TMEFF2: variants seen among roughly 807,000 people sequenced by gnomAD.
TMEFF2 encodes tomoregulin-2.
In TMEFF2, 28 loss-of-function variants were observed where a neutral mutation model predicts 53.8. That is an observed-to-expected ratio of 0.52 (90% CI 0.39 to 0.71). TMEFF2 has a LOEUF of 0.71. TMEFF2 is among the 30% of genes least tolerant of loss of function. The pLI, the probability that TMEFF2 is intolerant of heterozygous loss-of-function variation, is 0.00. For missense variants in TMEFF2, 353 were observed against 455.2 expected (o/e 0.78, Z 2.04); for synonymous variants, 162 against 166.3 (o/e 0.97, Z 0.20).
At chr2:192,096,181 C>A (rs1192450046) in intron 4 of TMEFF2, among the ~76,000 whole-genome samples, 1 of 152,144 alleles carries the variant, frequency 6.6e-6, no homozygotes, top group Non-Finnish European at 1.5e-5. Flanking sequence ...CTTGGTCCCC[C>A]ATTAATGTTA....
intron 7 of TMEFF2, among the ~76,000 whole-genome samples, chr2:191,967,462 T>G (rs1692502633): frequency 6.6e-6 from 1 of 152,152 alleles, no homozygotes; most frequent in African/African-American, 2.4e-5. Flanking sequence ...CAATGCTTCT[T>G]GTTCTAGTGC....
intron 4 of TMEFF2, among the ~76,000 whole-genome samples, chr2:192,091,570 A>C (rs1414558698): frequency 6.6e-6 from 1 of 152,198 alleles, no homozygotes; most frequent in Non-Finnish European, 1.5e-5. Context: ...TTTAATAGCT[A>C]AACACAAAGA....
chr2:192,073,220 G>A (rs1688331567), intron 4 of TMEFF2, among the ~76,000 whole-genome samples: 1 of 151,900 alleles, frequency 6.6e-6, no homozygotes. Context: ...TAATCATAGT[G>A]TGTATTTTAT....
chr2:192,165,637 A>G (rs2106016826), intron 4 of TMEFF2, among the ~76,000 whole-genome samples: 1 of 152,224 alleles, frequency 6.6e-6, no homozygotes, highest in East Asian at 1.9e-4. Flanking sequence ...CCTAAAAGTA[A>G]TATACTATTT....
chr2:192,046,911 GTTTTTT>G (rs35550976), intron 5 of TMEFF2, among the ~76,000 whole-genome samples: 1 of 146,238 alleles, frequency 6.8e-6, no homozygotes, highest in East Asian at 2.0e-4. Flanking sequence ...TGTGTTACCT[GTTTTTT>G]TTTTTTTAAT....
At chr2:191,956,415 T>TAC in intron 7 of TMEFF2, 37 bp from the exon 8 acceptor site, 1 of 1,599,052 alleles carries the variant, frequency 6.3e-7, no homozygotes. Flanking sequence ...CCCCTGTAAA[T>TAC]ACTTAGCCTG....
In TMEFF2 at chr2:192,069,943, G is replaced by GT. The variant is rs879761247; in HGVS notation, c.440-12169dup. Reference sequence around the variant, plus strand: ...TAATTGGAAATTAATCAATTTCCCTGTTTTTTCTAGATTTAGAAAAATGTG... The same window carrying GT: ...TAATTGGAAATTAATCAATTTCCCTGTTTTTTTCTAGATTTAGAAAAATGTG... On this transcript the variant is annotated intron_variant, in intron 4 of 9. Coordinates refer to ENST00000272771, the MANE Select transcript of TMEFF2 (RefSeq NM_016192.4). Among the ~76,000 whole-genome samples the GT allele has an allele frequency of 9.1e-5, 9 of 98,496 alleles. No individual in the cohort carries two copies. In the East Asian group the frequency reaches 9.7e-4, roughly 11 times the overall value. 64.6% of individuals were successfully genotyped at this position (98,496 alleles called of 152,430 possible). A position where few individuals can be genotyped will look rare whatever the true frequency, so the allele number is the denominator to read the frequency against.
chr2:192,028,826 A>C (rs1366337789), intron 5 of TMEFF2: 1 of 152,182 alleles, frequency 6.6e-6, no homozygotes, highest in Admixed American at 6.5e-5. Context: ...TTTGCATCTA[A>C]ACCTGGCATA....
chr2:192,044,387 T>C (rs1574320585), intron 5 of TMEFF2: 1 of 152,198 alleles, frequency 6.6e-6, no homozygotes, highest in East Asian at 1.9e-4. Context: ...GCATGTGAGA[T>C]ATTACTTCTA....
At chr2:192,082,047 G>A (rs137972370) in intron 4 of TMEFF2, among the ~76,000 whole-genome samples, 2,937 of 152,042 alleles carry the variant, frequency 0.019, 53 homozygotes, top group Non-Finnish European at 0.025. Context: ...TGATCCACCC[G>A]TCTTGGCCTC....
At chr2:192,124,877 C>T (rs747371237) in intron 4 of TMEFF2, among the ~76,000 whole-genome samples, 1 of 152,138 alleles carries the variant, frequency 6.6e-6, no homozygotes, top group Non-Finnish European at 1.5e-5. Flanking sequence ...CTACCATGTC[C>T]CTTGGAAAGA....
rs1161473033 is a variant in TMEFF2 at position 192,057,576 on chromosome 2, T to C, written c.536+103A>G. The C allele has an allele frequency of 3.8e-6, 4 of 1,056,116 alleles. No homozygotes were observed. The African/African-American group carries it at 4.8e-5, about 13-fold the overall frequency. The allele number at this position is 1,056,116 out of a possible 1,614,324, so 65.4% of individuals were successfully genotyped here. Reference sequence around the variant, plus strand: ...TTCACTTGGGAACTGAATAAGAAAATAAAAATGCAGACAATGTCTTCTGTT... The same window carrying C: ...TTCACTTGGGAACTGAATAAGAAAACAAAAATGCAGACAATGTCTTCTGTT... On this transcript the variant is annotated intron_variant, in intron 5 of 9. Coordinates refer to ENST00000272771, the MANE Select transcript of TMEFF2 (RefSeq NM_016192.4).
At position 191,968,758 on chromosome 2, in the gene TMEFF2, C is replaced by A. The variant is rs138405079; in HGVS notation, c.746-12380G>T. On this transcript the variant is annotated intron_variant, in intron 7 of 9. Transcript: ENST00000272771. The stretch of plus-strand genomic sequence containing the variant: ...ACAAGCATTATGTAGTGCTTCTAGA[C>A]TCATTTCTCAATGGAACCTCCCTGC... Among the ~76,000 whole-genome samples the A allele has an allele frequency of 5.9e-5, 9 of 152,248 alleles. 1 individual carries two copies. The East Asian group carries it at 1.7e-3, about 29-fold the overall frequency.
At chr2:192,035,009 T>C (rs1414978536) in intron 5 of TMEFF2, 2 of 152,218 alleles carry the variant, frequency 1.3e-5, no homozygotes, top group Non-Finnish European at 2.9e-5. Flanking sequence ...TTTTTAATGA[T>C]CCTTAGTTTC....
rs1367797846 is a variant in TMEFF2, at chr2:191,964,400, C to T, written c.746-8022G>A. Among the ~76,000 whole-genome samples the T allele has an allele frequency of 5.4e-3, 355 of 66,036 alleles. 4 individuals carry two copies. Among genetic ancestry groups the T allele is most frequent in the African/African-American group, 0.023 (330 of 14,258 alleles). 43.3% of individuals were successfully genotyped at this position (66,036 alleles called of 152,430 possible). A position where few individuals can be genotyped will look rare whatever the true frequency, so the allele number is the denominator to read the frequency against. On this transcript the variant is annotated intron_variant, in intron 7 of 9. Coordinates refer to ENST00000272771, the MANE Select transcript of TMEFF2 (RefSeq NM_016192.4). Reference sequence around the variant, plus strand: ...TTTCTTTCTTTCTTTCTTTCTTTCTCTTTCTTTCTTTCTTTCTTTCTTTCT... The same window carrying T: ...TTTCTTTCTTTCTTTCTTTCTTTCTTTTTCTTTCTTTCTTTCTTTCTTTCT...
At chr2:192,135,759 A>C (rs1277652552) in intron 4 of TMEFF2, among the ~76,000 whole-genome samples, 1 of 152,136 alleles carries the variant, frequency 6.6e-6, no homozygotes, top group African/African-American at 2.4e-5. Flanking sequence ...AAGTAACTGA[A>C]GAATCACAAA....
chr2:192,033,482 T>C (rs970543981), intron 5 of TMEFF2, among the ~76,000 whole-genome samples: 1 of 151,484 alleles, frequency 6.6e-6, no homozygotes, highest in African/African-American at 2.4e-5. Context: ...AGCTCAGCTC[T>C]TAATTAGACT....
At chr2:191,998,342 T>C (rs1686274421) in intron 6 of TMEFF2, 21 bp from the exon 7 acceptor site, 2 of 1,524,436 alleles carry the variant, frequency 1.3e-6, no homozygotes, top group African/African-American at 2.8e-5. Flanking sequence ...AAATTAACAA[T>C]AAAAATTGAT....
chr2:192,020,562 T>C (rs935737394), intron 5 of TMEFF2, among the ~76,000 whole-genome samples: 1 of 152,120 alleles, frequency 6.6e-6, no homozygotes, highest in Non-Finnish European at 1.5e-5. Flanking sequence ...TTATATCTTA[T>C]ATCATTTGAG....
Sources: allele counts gnomAD v4.1 joint callset (sites outside exome capture counted in the v4.1 genomes callset), GRCh38; gene constraint gnomAD v4.1.1; transcripts MANE v1.5; gene names NCBI Gene and HGNC (gene_info 2026-07-23, HGNC 2026-07-21).